NAV3: variants seen among roughly 807,000 people sequenced by gnomAD.
NAV3 encodes the protein neuron navigator 3.
NAV3 carries 87 observed loss-of-function variants against 244.7 expected under a neutral mutation model. That is an observed-to-expected ratio of 0.36 (90% CI 0.30 to 0.42). The LOEUF is 0.42. Ranked by LOEUF, NAV3 falls within the 20% of genes least tolerant of loss-of-function variation. The pLI is 1.00. For synonymous variants in NAV3, 1,126 were observed against 1,042.2 expected (o/e 1.08, Z -1.55); for missense variants, 2,663 against 2,893.3 (o/e 0.92, Z 1.83).
At chr12:78,111,000 G>A (rs1800835522) in intron 12 of NAV3, among the ~76,000 whole-genome samples, 1 of 152,048 alleles carries the variant, frequency 6.6e-6, no homozygotes, top group South Asian at 2.1e-4. Flanking sequence ...GGAAAGGTAG[G>A]TAGGAAACAG....
chr12:77,996,034 C>G (rs1432167120), intron 6 of NAV3, among the ~76,000 whole-genome samples: 1 of 152,088 alleles, frequency 6.6e-6, no homozygotes, highest in East Asian at 1.9e-4. Context: ...TGTATTTTTA[C>G]ATTTGTTTTA....
At chr12:77,814,293 C>T (rs1872436817) in intron 2 of NAV3, among the ~76,000 whole-genome samples, 1 of 152,012 alleles carries the variant, frequency 6.6e-6, no homozygotes. Flanking sequence ...CATCTCCTAA[C>T]ATTTTCTGCC....
chr12:77,670,166 C>G (rs982750432), intron 2 of NAV3, among the ~76,000 whole-genome samples: 2 of 151,986 alleles, frequency 1.3e-5, no homozygotes, highest in Non-Finnish European at 2.9e-5. Context: ...ATTGTGAACA[C>G]CTTTACATGC....
chr12:78,117,158 CATATATATATATATATATATAT>C (rs377148138), intron 13 of NAV3, among the ~76,000 whole-genome samples: 2 of 70,370 alleles, frequency 2.8e-5, no homozygotes, highest in African/African-American at 1.1e-4. Flanking sequence ...ACAGAAGCAG[CATATATATATATATATATATAT>C]ATATATATAT....
chr12:78,144,902 G>A (rs573813124), intron 20 of NAV3: 1 of 105,186 alleles, frequency 9.5e-6, no homozygotes, highest in Admixed American at 1.8e-4. Flanking sequence ...GATAGATCAA[G>A]ATCCTGTCTC....
intron 5 of NAV3, among the ~76,000 whole-genome samples, chr12:77,981,787 C>T (rs1869616230): frequency 6.6e-6 from 1 of 151,942 alleles, no homozygotes; most frequent in Non-Finnish European, 1.5e-5. Flanking sequence ...TCTTTATATT[C>T]CTCTTTGTTT....
At chr12:77,899,157 T>C (rs1884972066) in intron 1 of NAV3, among the ~76,000 whole-genome samples, 1 of 152,232 alleles carries the variant, frequency 6.6e-6, no homozygotes, top group African/African-American at 2.4e-5. Context: ...AATCTACTTT[T>C]GGTAAAGATG....
intron 2 of NAV3, among the ~76,000 whole-genome samples, chr12:77,818,541 T>C (rs1047411763): frequency 3.3e-5 from 5 of 152,122 alleles, no homozygotes; most frequent in African/African-American, 1.2e-4. Flanking sequence ...ACAGAAAGTG[T>C]GGAAAGTTGG....
intron 2 of NAV3, among the ~76,000 whole-genome samples, chr12:77,660,064 C>G (rs1218877653): frequency 1.3e-5 from 2 of 151,708 alleles, no homozygotes; most frequent in Non-Finnish European, 2.9e-5. Flanking sequence ...ACATATGTAA[C>G]TAACCTGCAC....
rs111942943 is a variant in NAV3 at position 77,956,725 on chromosome 12, C to CTTATTTAT, written c.415-9477_415-9470dup. 4.2e-3 allele frequency among the ~76,000 whole-genome samples: 622 copies of CTTATTTAT among 149,618 alleles called. 2 individuals are homozygous for CTTATTTAT. The highest frequency in any genetic ancestry group is 0.01 in the Middle Eastern group (3 of 292). On this transcript the variant is annotated intron_variant, in intron 3 of 39. Coordinates refer to ENST00000397909, the MANE Select transcript of NAV3 (RefSeq NM_001024383.2). ...TTGTCTAACCTTATATAAAATCCAA[C>CTTATTTAT]TTATTTATTTATTTATTTATTTATT...
intron 36 of NAV3, chr12:78,199,087 T>G (rs1318306672): frequency 6.7e-6 from 4 of 599,536 alleles, no homozygotes; most frequent in Admixed American, 6.4e-5. Context: ...GCATTTAGAC[T>G]CCCACTCACT....
At chr12:77,918,450 A>G (rs1215135546) in intron 1 of NAV3, among the ~76,000 whole-genome samples, 1 of 152,110 alleles carries the variant, frequency 6.6e-6, no homozygotes, top group Non-Finnish European at 1.5e-5. Flanking sequence ...CACCTAGCAT[A>G]GTTATTGGAA....
At chr12:77,792,925 A>G (rs1171293572) in intron 2 of NAV3, among the ~76,000 whole-genome samples, 1 of 152,142 alleles carries the variant, frequency 6.6e-6, no homozygotes, top group African/African-American at 2.4e-5. Flanking sequence ...ACATGTTACT[A>G]TGGCCCTTCA....
At chr12:78,129,091 G>T (rs1400859143) in intron 18 of NAV3, among the ~76,000 whole-genome samples, 2 of 152,086 alleles carry the variant, frequency 1.3e-5, no homozygotes, top group Non-Finnish European at 2.9e-5. Flanking sequence ...TTAATACTGT[G>T]GTTGTTTTCT....
intron 19 of NAV3, among the ~76,000 whole-genome samples, chr12:78,139,866 A>G (rs1320254147): frequency 1.3e-5 from 2 of 152,188 alleles, no homozygotes; most frequent in Non-Finnish European, 2.9e-5. Context: ...TTATATGGAG[A>G]AAAAAATCTG....
chr12:77,823,010 G>A (rs1872810626), intron 2 of NAV3, among the ~76,000 whole-genome samples: 1 of 152,064 alleles, frequency 6.6e-6, no homozygotes, highest in Admixed American at 6.6e-5. Flanking sequence ...AGCATATAAA[G>A]CAATATTATT....
chr12:77,936,350 A>G lies in NAV3; in HGVS notation c.244-3969A>G, dbSNP rs537948141. On this transcript the variant is annotated intron_variant, in intron 1 of 39. Transcript: ENST00000397909. ...GTAATTCTTCTGAATTCCTTGAGAT[A>G]AAATTATTAGATGGGATGATATTTA... is the stretch of plus-strand genomic sequence containing the variant. Among the ~76,000 whole-genome samples, 276 of 152,292 alleles carry G rather than the reference A, an allele frequency of 1.8e-3. 4 individuals carry two copies. The highest frequency in any genetic ancestry group is 6.8e-3 in the Middle Eastern group (2 of 294).
chr12:77,981,229 T>C (rs1477366936), intron 5 of NAV3, among the ~76,000 whole-genome samples: 1 of 152,158 alleles, frequency 6.6e-6, no homozygotes, highest in African/African-American at 2.4e-5. Context: ...TTTTGCAAAA[T>C]GCCTTTAATA....
At chr12:77,935,222 TA>T (rs201992228) in intron 1 of NAV3, among the ~76,000 whole-genome samples, 11 of 151,610 alleles carry the variant, frequency 7.3e-5, no homozygotes, top group South Asian at 4.2e-4. Context: ...CTGTCAGTAG[TA>T]AAAAAAAATC....
Sources: gnomAD v4.1 joint callset for allele counts (sites outside exome capture counted in the v4.1 genomes callset) on GRCh38, gnomAD v4.1.1 for gene constraint, MANE v1.5 for transcripts, NCBI Gene and HGNC (gene_info 2026-07-23, HGNC 2026-07-21) for gene names.